CCDC169: variants seen among roughly 807,000 people sequenced by gnomAD.
The protein encoded by CCDC169 is coiled-coil domain-containing protein 169.
CCDC169 carries 30 observed loss-of-function variants against 36.0 expected under a neutral mutation model. That is an observed-to-expected ratio of 0.83 (90% CI 0.62 to 1.13). The LOEUF (loss-of-function observed/expected upper bound fraction) is 1.13. Ranked by LOEUF, CCDC169 falls within the 50% of genes most tolerant of loss-of-function variation. The pLI is 0.00. For missense variants in CCDC169, 245 were observed against 245.9 expected (o/e 1.00, Z 0.03); for synonymous variants, 85 against 81.5 (o/e 1.04, Z -0.23).
intron 4 of CCDC169, among the ~76,000 whole-genome samples, chr13:36,257,625 C>T (rs1187567170): frequency 1.3e-5 from 2 of 151,960 alleles, no homozygotes; most frequent in Admixed American, 1.3e-4. Flanking sequence ...GTCGCTTGAA[C>T]GCGGGAGGCG....
intron 6 of CCDC169, among the ~76,000 whole-genome samples, chr13:36,251,740 T>C (rs1873198216): frequency 6.6e-6 from 1 of 152,106 alleles, no homozygotes. Context: ...GGGAGGAACC[T>C]ACAGCTGAGT....
At chr13:36,271,261 T>C (rs1179288419) in intron 4 of CCDC169, among the ~76,000 whole-genome samples, 2 of 152,110 alleles carry the variant, frequency 1.3e-5, no homozygotes, top group South Asian at 2.1e-4. Context: ...AAAAAATAGA[T>C]GTTGGCATGG....
At chr13:36,289,744 T>C (rs369719157) in intron 2 of CCDC169, among the ~76,000 whole-genome samples, 29 of 152,356 alleles carry the variant, frequency 1.9e-4, no homozygotes, top group African/African-American at 6.7e-4. Flanking sequence ...AAAGTTGTTA[T>C]ATGCATGTAA....
At chr13:36,248,533 G>T in intron 7 of CCDC169, 73 bp downstream of exon 7, 4 of 1,395,480 alleles carry the variant, frequency 2.9e-6, no homozygotes, top group Non-Finnish European at 3.9e-6. Flanking sequence ...AAAATATAGT[G>T]GACACCTGTT....
downstream of CCDC169, chr13:36,223,151 A>G (rs1179671985): frequency 2.0e-5 from 3 of 152,200 alleles, no homozygotes; most frequent in Non-Finnish European, 4.4e-5. Context: ...TATAGTCTAT[A>G]TGTATACAAC....
intron 7 of CCDC169, among the ~76,000 whole-genome samples, chr13:36,242,524 T>C (rs1283377753): frequency 2.6e-5 from 4 of 152,142 alleles, no homozygotes; most frequent in African/African-American, 7.2e-5. Context: ...TATACCTAAT[T>C]TGGATGATTA....
intron 4 of CCDC169, among the ~76,000 whole-genome samples, chr13:36,261,313 C>T (rs1445020392): frequency 2.0e-5 from 3 of 152,078 alleles, no homozygotes; most frequent in African/African-American, 7.2e-5. Flanking sequence ...CAATGTCTAG[C>T]CTGCCAATAA....
Position 36,231,246 on chromosome 13 carries a change from C to T in CCDC169, c.592G>A (p.Gly198Arg). 1.9e-6 allele frequency: 3 copies of T among 1,551,374 alleles called. No homozygotes were observed. The highest frequency in any genetic ancestry group is 2.6e-6 in the Non-Finnish European group (3 of 1,146,828). Residue 198 changes from glycine to arginine, a missense_variant, in exon 8 of 8, where the codon GGA becomes AGA. Gly to Arg is a moderately radical substitution (Grantham distance 125, BLOSUM62 -2). Coordinates refer to ENST00000239859, the MANE Select transcript of CCDC169 (RefSeq NM_001144981.3). Reference sequence around the variant, plus strand: ...GGTCTTGTAATCTTTTTTACTGGTCCTCTCTTGGCACTCACTGTCTTCTGC... The same window carrying T: ...GGTCTTGTAATCTTTTTTACTGGTCTTCTCTTGGCACTCACTGTCTTCTGC... The part of the protein sequence containing the change: ...AKQKTVSAKR[G>R]PVKKITRPNH...
intron 7 of CCDC169, among the ~76,000 whole-genome samples, chr13:36,232,455 T>C (rs1347121491): frequency 6.6e-6 from 1 of 152,048 alleles, no homozygotes; most frequent in Non-Finnish European, 1.5e-5. Context: ...AGGTAGTAGA[T>C]AACAATTGAG....
intron 1 of CCDC169, among the ~76,000 whole-genome samples, 194 bp from the exon 2 acceptor site, chr13:36,296,051 A>G (rs1879441737): frequency 6.6e-6 from 1 of 152,164 alleles, no homozygotes; most frequent in South Asian, 2.1e-4. Context: ...TATGCACTAA[A>G]GCTCAAAGAC....
chr13:36,264,354 C>A (rs1015062030), intron 4 of CCDC169, among the ~76,000 whole-genome samples: 1 of 151,956 alleles, frequency 6.6e-6, no homozygotes, highest in Admixed American at 6.6e-5. Context: ...GAGCTATATA[C>A]TGGTCACAGG....
At chr13:36,241,663 G>A (rs1871833829) in intron 7 of CCDC169, among the ~76,000 whole-genome samples, 1 of 152,130 alleles carries the variant, frequency 6.6e-6, no homozygotes, top group Non-Finnish European at 1.5e-5. Flanking sequence ...GTTTTGAACT[G>A]TCAAGAATAA....
intron 4 of CCDC169, among the ~76,000 whole-genome samples, chr13:36,259,718 C>T (rs552545030): frequency 1.4e-4 from 22 of 152,016 alleles, no homozygotes; most frequent in African/African-American, 4.8e-4. Flanking sequence ...ACTTGGCCCA[C>T]GACCAATCAG....
At chr13:36,232,114 C>A (rs1005458672) in intron 7 of CCDC169, among the ~76,000 whole-genome samples, 6 of 152,190 alleles carry the variant, frequency 3.9e-5, no homozygotes, top group Non-Finnish European at 8.8e-5. Flanking sequence ...AGCTTTGTAG[C>A]ATTTTAACTT....
intron 7 of CCDC169, among the ~76,000 whole-genome samples, chr13:36,238,607 T>C (rs550810784): frequency 4.7e-4 from 71 of 152,308 alleles, no homozygotes; most frequent in Admixed American, 2.0e-3. Context: ...TTAATATAGC[T>C]CATTATAGAT....
chr13:36,281,659 C>T (rs1026183513), intron 4 of CCDC169, among the ~76,000 whole-genome samples: 1 of 152,034 alleles, frequency 6.6e-6, no homozygotes, highest in Non-Finnish European at 1.5e-5. Flanking sequence ...CTCAGGAGTT[C>T]GAGACCAGCC....
chr13:36,277,894 G>A (rs928061421), intron 4 of CCDC169, among the ~76,000 whole-genome samples: 4 of 150,306 alleles, frequency 2.7e-5, no homozygotes, highest in South Asian at 4.2e-4. Context: ...GCAGTGACCC[G>A]AGATCGTGCC....
rs552208459 is a variant in CCDC169, at chr13:36,267,681, A to C, written c.316-13538T>G. 1.8e-4 allele frequency among the ~76,000 whole-genome samples: 27 copies of C among 152,306 alleles called. No homozygotes were observed. In the South Asian group the frequency reaches 2.9e-3, roughly 16 times the overall value. On this transcript the variant is annotated intron_variant, in intron 4 of 7. Coordinates refer to ENST00000239859, the MANE Select transcript of CCDC169 (RefSeq NM_001144981.3). ...ACAGAATGAATTTAAAAAATCACAA[A>C]CCAAATATCTGCTGTCTTCAAGAGA...
rs987398705 is a variant in CCDC169 at position 36,258,577 on chromosome 13, A to G, written c.316-4434T>C. Among the ~76,000 whole-genome samples, 10 of 152,206 alleles carry G rather than the reference A, an allele frequency of 6.6e-5. No homozygotes were observed. The South Asian group carries it at 2.1e-3, about 32-fold the overall frequency. On this transcript the variant is annotated intron_variant, in intron 4 of 7. Transcript: ENST00000239859. ...TAGCATACTAAAAGACACTTCTATC[A>G]GCACCATGACAGTTTACAAATGCCA...
Sources: gnomAD v4.1 joint callset for allele counts (sites outside exome capture counted in the v4.1 genomes callset) on GRCh38, gnomAD v4.1.1 for gene constraint, MANE v1.5 for transcripts, NCBI Gene and HGNC (gene_info 2026-07-23, HGNC 2026-07-21) for gene names.